ARHGEF38: variants seen among roughly 807,000 people sequenced by gnomAD.
ARHGEF38 encodes Rho guanine nucleotide exchange factor (GEF) 38.
In ARHGEF38, 79 loss-of-function variants were observed where a neutral mutation model predicts 79.9. The observed-to-expected ratio is 0.99, with a 90% CI of 0.82 to 1.19. The LOEUF (loss-of-function observed/expected upper bound fraction) is 1.19. ARHGEF38 is among the 50% of genes most tolerant of loss of function. The probability of loss-of-function intolerance (pLI) is 0.00; values close to 1 mark genes in which losing one functional copy is unlikely to be tolerated. For synonymous variants in ARHGEF38, 366 were observed against 328.3 expected (o/e 1.11, Z -1.24); for missense variants, 962 against 907.2 (o/e 1.06, Z -0.78).
At chr4:105,633,398 T>A in intron 4 of ARHGEF38, among the ~76,000 whole-genome samples, 1 of 152,134 alleles carries the variant, frequency 6.6e-6, no homozygotes, top group East Asian at 1.9e-4. Context: ...TCAAACAGGT[T>A]TATAGGCCAA....
At position 105,585,725 on chromosome 4, in the gene ARHGEF38, G is replaced by GTTTTTTTT. The variant is rs1491390111; in HGVS notation, c.197-3523_197-3522insTTTTTTTT. On this transcript the variant is annotated intron_variant, in intron 1 of 13. Coordinates refer to ENST00000420470, the MANE Select transcript of ARHGEF38 (RefSeq NM_001242729.2). Reference sequence around the variant, plus strand: ...TTCTTTCCTAAATAGCCCCTCCGTTGCTTTTTTTTTTTTTTTTTTTTTTTG... The same window carrying GTTTTTTTT: ...TTCTTTCCTAAATAGCCCCTCCGTTGTTTTTTTTCTTTTTTTTTTTTTTTTTTTTTTTG... Among the ~76,000 whole-genome samples the GTTTTTTTT allele has an allele frequency of 5.5e-4, 8 of 14,446 alleles. 1 individual carries two copies. The highest frequency in any genetic ancestry group is 6.4e-4 in the Non-Finnish European group (5 of 7,814). The allele number at this position is 14,446 out of a possible 152,430, so 9.5% of individuals were successfully genotyped here.
In ARHGEF38 at chr4:105,675,034, C is replaced by T. The variant is rs149033417; in HGVS notation, c.2149-2718C>T. On this transcript the variant is annotated intron_variant, in intron 13 of 13. Coordinates refer to ENST00000420470, the MANE Select transcript of ARHGEF38 (RefSeq NM_001242729.2). ...GATGTATTATAGTACGTTACATTCC[C>T]GAATACTTTTGCAAACCAAATCTTC... Among the ~76,000 whole-genome samples the T allele has an allele frequency of 7.9e-5, 12 of 152,218 alleles. No individual in the cohort carries two copies. The East Asian group carries it at 2.3e-3, about 29-fold the overall frequency.
chr4:105,611,660 G>C (rs1728298704), intron 2 of ARHGEF38, among the ~76,000 whole-genome samples: 1 of 151,748 alleles, frequency 6.6e-6, no homozygotes, highest in African/African-American at 2.4e-5. Context: ...TGAAAATCTT[G>C]AACCTCTCTA....
chr4:105,575,450 C>T (rs1726451129), intron 1 of ARHGEF38, among the ~76,000 whole-genome samples: 1 of 152,074 alleles, frequency 6.6e-6, no homozygotes, highest in African/African-American at 2.4e-5. Context: ...ATTTGTATAT[C>T]TTCTTTTGAG....
intron 1 of ARHGEF38, among the ~76,000 whole-genome samples, chr4:105,555,950 G>A (rs1289678187): frequency 1.3e-5 from 2 of 152,082 alleles, no homozygotes; most frequent in Non-Finnish European, 2.9e-5. Context: ...GAATTAAAAC[G>A]ATAGAACATG....
At chr4:105,627,837 A>G (rs1290581043) in intron 3 of ARHGEF38, among the ~76,000 whole-genome samples, 2 of 152,194 alleles carry the variant, frequency 1.3e-5, no homozygotes, top group African/African-American at 4.8e-5. Flanking sequence ...TTTTGCTGCA[A>G]GACACACTGC....
intron 5 of ARHGEF38, among the ~76,000 whole-genome samples, chr4:105,638,495 T>G (rs1435136712): frequency 2.0e-5 from 3 of 152,140 alleles, no homozygotes; most frequent in Admixed American, 2.0e-4. Context: ...AGGTTCCTAT[T>G]AATCACAAAA....
chr4:105,556,024 T>C (rs959278766), intron 1 of ARHGEF38, among the ~76,000 whole-genome samples: 7 of 152,214 alleles, frequency 4.6e-5, no homozygotes, highest in Non-Finnish European at 8.8e-5. Flanking sequence ...TAGTCATTCC[T>C]ACTAAGCCTG....
At chr4:105,633,939 C>T (rs985110919) in intron 4 of ARHGEF38, among the ~76,000 whole-genome samples, 1 of 152,072 alleles carries the variant, frequency 6.6e-6, no homozygotes, top group Non-Finnish European at 1.5e-5. Context: ...CTGTAAAAGA[C>T]CCAAGTTTCT....
intron 1 of ARHGEF38, among the ~76,000 whole-genome samples, chr4:105,562,953 T>C (rs534404354): frequency 6.6e-6 from 1 of 152,234 alleles, no homozygotes; most frequent in African/African-American, 2.4e-5. Context: ...AGACAGATGA[T>C]TTTTTGGAGT....
chr4:105,563,660 C>T (rs1308971289), intron 1 of ARHGEF38, among the ~76,000 whole-genome samples: 1 of 20,194 alleles, frequency 5.0e-5, no homozygotes, highest in Admixed American at 5.0e-4. Flanking sequence ...TTTTCCTGTT[C>T]TAACCTTAGT....
At chr4:105,662,039 G>A (rs927576102) in intron 10 of ARHGEF38, among the ~76,000 whole-genome samples, 1 of 152,162 alleles carries the variant, frequency 6.6e-6, no homozygotes, top group Admixed American at 6.5e-5. Flanking sequence ...GATATTGCCA[G>A]ATTCCCTGCT....
chr4:105,637,189 TAA>T (rs1372101939), intron 5 of ARHGEF38, among the ~76,000 whole-genome samples: 14 of 152,086 alleles, frequency 9.2e-5, no homozygotes, highest in Admixed American at 7.9e-4. Context: ...TATGAAGAAA[TAA>T]AGAGCTTACA....
intron 1 of ARHGEF38, among the ~76,000 whole-genome samples, chr4:105,576,917 A>G (rs1726530502): frequency 6.6e-6 from 1 of 152,180 alleles, no homozygotes; most frequent in Non-Finnish European, 1.5e-5. Context: ...TGTATCGCAC[A>G]TATTGACTCG....
chr4:105,592,473 C>A (rs1433675387), intron 2 of ARHGEF38, among the ~76,000 whole-genome samples: 1 of 151,964 alleles, frequency 6.6e-6, no homozygotes, highest in Non-Finnish European at 1.5e-5. Flanking sequence ...CTTCATCGGG[C>A]CCAAAGATGC....
chr4:105,631,969 G>T (rs759933665), intron 4 of ARHGEF38, among the ~76,000 whole-genome samples: 1 of 152,006 alleles, frequency 6.6e-6, no homozygotes, highest in Non-Finnish European at 1.5e-5. Flanking sequence ...ATGTACACCC[G>T]TCTGATCCTG....
chr4:105,669,860 T>A (rs1730900709), intron 13 of ARHGEF38, among the ~76,000 whole-genome samples: 1 of 152,354 alleles, frequency 6.6e-6, no homozygotes, highest in South Asian at 2.1e-4. Context: ...ATTTGCCTTT[T>A]CTGTATCTTT....
At chr4:105,593,415 G>C (rs1192794339) in intron 2 of ARHGEF38, among the ~76,000 whole-genome samples, 1 of 151,948 alleles carries the variant, frequency 6.6e-6, no homozygotes, top group Non-Finnish European at 1.5e-5. Flanking sequence ...GCTTGCTTCT[G>C]TAGTCCAGGC....
chr4:105,667,048 C>A (rs943618959), intron 11 of ARHGEF38, 81 bp from the exon 12 acceptor site: 33 of 1,221,758 alleles, frequency 2.7e-5, no homozygotes, highest in Non-Finnish European at 3.3e-5. Context: ...TTAAAAATCT[C>A]CAGGGAAAAA....
Sources: gnomAD v4.1 joint callset for allele counts (sites outside exome capture counted in the v4.1 genomes callset) on GRCh38, gnomAD v4.1.1 for gene constraint, MANE v1.5 for transcripts, NCBI Gene and HGNC (gene_info 2026-07-23, HGNC 2026-07-21) for gene names.